MYT1L: variants seen among roughly 807,000 people sequenced by gnomAD.
The protein encoded by MYT1L is myelin transcription factor 1 like.
In MYT1L, 12 loss-of-function variants were observed where a neutral mutation model predicts 126.7. The ratio of observed to expected loss-of-function variants is 0.09; its 90% CI spans 0.06 to 0.15. MYT1L has a LOEUF of 0.15. Among genes scored for constraint, MYT1L ranks in the 10% least tolerant of loss-of-function variants. MYT1L has a pLI of 1.00. For missense variants in MYT1L, 979 were observed against 1,585.2 expected, an observed-to-expected ratio of 0.62 and a Z score of 6.49; for synonymous variants, 541 against 604.2, an observed-to-expected ratio of 0.90 and a Z score of 1.53.
chr2:1,876,384 A>G (rs2046911548), intron 18 of MYT1L, among the ~76,000 whole-genome samples: 1 of 152,020 alleles, frequency 6.6e-6, no homozygotes. Flanking sequence ...ATCCGTGCCC[A>G]GGACTCCGAG....
chr2:2,151,147 A>G (rs2085723977), intron 3 of MYT1L, among the ~76,000 whole-genome samples: 1 of 152,192 alleles, frequency 6.6e-6, no homozygotes, highest in Non-Finnish European at 1.5e-5. Context: ...GTTAAAAGGA[A>G]GGAGTTATAA....
At chr2:1,985,166 C>G (rs2060915613) in intron 5 of MYT1L, among the ~76,000 whole-genome samples, 1 of 152,230 alleles carries the variant, frequency 6.6e-6, no homozygotes, top group South Asian at 2.1e-4. Flanking sequence ...TTCCATTTTG[C>G]CAACCAGCCA....
At chr2:2,173,970 T>C (rs1225232592) in intron 2 of MYT1L, among the ~76,000 whole-genome samples, 1 of 152,118 alleles carries the variant, frequency 6.6e-6, no homozygotes. Context: ...TAACACAAGA[T>C]TTCCTAGGAA....
At chr2:2,243,056 G>C (rs2094468462) in intron 2 of MYT1L, among the ~76,000 whole-genome samples, 1 of 152,148 alleles carries the variant, frequency 6.6e-6, no homozygotes, top group African/African-American at 2.4e-5. Flanking sequence ...TTGACCAAGG[G>C]GCAATGTCAA....
At chr2:1,961,812 C>T (rs959400830) in intron 8 of MYT1L, among the ~76,000 whole-genome samples, 6 of 152,124 alleles carry the variant, frequency 3.9e-5, no homozygotes, top group African/African-American at 1.4e-4. Flanking sequence ...GTTTTGGTTT[C>T]CCAGCACAAT....
chr2:1,953,878 C>T (rs1303713026), intron 8 of MYT1L, among the ~76,000 whole-genome samples: 5 of 152,220 alleles, frequency 3.3e-5, no homozygotes, highest in Non-Finnish European at 7.3e-5. Flanking sequence ...TTCTAACCAC[C>T]TACCTCATGG....
intron 3 of MYT1L, among the ~76,000 whole-genome samples, chr2:2,158,490 C>T (rs1236907381): frequency 6.6e-6 from 1 of 152,148 alleles, no homozygotes; most frequent in Non-Finnish European, 1.5e-5. Context: ...CTTCTTTGCA[C>T]TTAAGTGACT....
chr2:1,868,491 G>A (rs1403377072), intron 18 of MYT1L, among the ~76,000 whole-genome samples: 1 of 152,190 alleles, frequency 6.6e-6, no homozygotes, highest in Non-Finnish European at 1.5e-5. Flanking sequence ...GATCTTAGAG[G>A]ATGAGAGGCT....
intron 5 of MYT1L, among the ~76,000 whole-genome samples, chr2:1,989,826 C>T (rs564137113): frequency 1.3e-5 from 2 of 152,126 alleles, no homozygotes; most frequent in African/African-American, 2.4e-5. Context: ...GTGAAAACCC[C>T]GTCTCTACCA....
intron 18 of MYT1L, among the ~76,000 whole-genome samples, chr2:1,863,059 G>C (rs1305174778): frequency 6.6e-6 from 1 of 152,192 alleles, no homozygotes; most frequent in Non-Finnish European, 1.5e-5. Context: ...GGGAATGGTA[G>C]CGTGTCCAGA....
chr2:2,231,681 C>T (rs2094165825), intron 2 of MYT1L, among the ~76,000 whole-genome samples: 3 of 152,014 alleles, frequency 2.0e-5, no homozygotes, highest in South Asian at 4.1e-4. Flanking sequence ...CTCCTGAGCT[C>T]GAGCAATCCA....
Position 1,887,881 on chromosome 2 carries a change from C to T in MYT1L, c.2521-272G>A, listed in dbSNP as rs368733496. ...TGTGCTCATCACATGGACACACACACGGTCTGGTAGCCAGAGACTACATTT... is the reference window on the plus strand; with the variant it reads ...TGTGCTCATCACATGGACACACACATGGTCTGGTAGCCAGAGACTACATTT... On this transcript the variant is annotated intron_variant, in intron 16 of 24. Coordinates refer to ENST00000647738, the MANE Select transcript of MYT1L (RefSeq NM_001303052.2). The surrounding 1 kb of genome is among the most constrained non-coding windows in gnomAD (Gnocchi z 4.8). 2.0e-5 allele frequency among the ~76,000 whole-genome samples: 3 copies of T among 152,302 alleles called. No homozygotes were observed. The highest frequency in any genetic ancestry group is 3.9e-4 in the East Asian group (2 of 5,178).
chr2:2,318,428 C>T (rs1180914079), intron 1 of MYT1L, among the ~76,000 whole-genome samples: 1 of 152,126 alleles, frequency 6.6e-6, no homozygotes, highest in Non-Finnish European at 1.5e-5. Context: ...GTGGCTTTGC[C>T]CATTTGTAAA....
At chr2:1,945,404 G>A (rs1269397213) in intron 8 of MYT1L, among the ~76,000 whole-genome samples, 1 of 152,162 alleles carries the variant, frequency 6.6e-6, no homozygotes, top group Non-Finnish European at 1.5e-5. Context: ...CCCAGATCAT[G>A]AGACAGATGA....
At chr2:1,961,829 G>A (rs1225823908) in intron 8 of MYT1L, among the ~76,000 whole-genome samples, 2 of 152,210 alleles carry the variant, frequency 1.3e-5, no homozygotes, top group African/African-American at 2.4e-5. Flanking sequence ...CAATATAAAG[G>A]AAGCTGAGTA....
At position 1,912,760 on chromosome 2, in the gene MYT1L, G is replaced by T. The variant is rs1285951429; in HGVS notation, c.1619-650C>A. Among the ~76,000 whole-genome samples the T allele has an allele frequency of 3.5e-5, 5 of 141,350 alleles. No homozygotes were observed. The East Asian group carries it at 6.0e-4, about 17-fold the overall frequency. The allele number at this position is 141,350 out of a possible 152,430, so 92.7% of individuals were successfully genotyped here. On this transcript the variant is annotated intron_variant, in intron 11 of 24. Coordinates refer to ENST00000647738, the MANE Select transcript of MYT1L (RefSeq NM_001303052.2). The surrounding 1 kb of genome is among the most constrained non-coding windows in gnomAD (Gnocchi z 4.3). ...CCCTGTGAAATTAACAAGCGGGAGA[G>T]GCCTCTTGCATGGACACCTTTTGTG...
chr2:2,267,495 G>C (rs554876209), intron 2 of MYT1L, among the ~76,000 whole-genome samples: 102 of 152,302 alleles, frequency 6.7e-4, no homozygotes, highest in Middle Eastern at 3.4e-3. Flanking sequence ...ACCATACTGG[G>C]GGAAATGAGG....
At position 1,801,376 on chromosome 2, in the gene MYT1L, C is replaced by T; in HGVS notation, c.3276+320G>A. ...ATATAGTGATTAAATAACAGGAGGA[C>T]CTGAAGTATCTTGGAAGGAAAACCT... is the stretch of plus-strand genomic sequence containing the variant. On this transcript the variant is annotated intron_variant, in intron 23 of 24. Transcript: ENST00000647738. The surrounding 1 kb of genome is among the most constrained non-coding windows in gnomAD (Gnocchi z 4.2). 1 of 236,314 alleles carries T rather than the reference C, an allele frequency of 4.2e-6. No homozygotes were observed. Among genetic ancestry groups the T allele is most frequent in the East Asian group, 9.2e-5 (1 of 10,812 alleles). The allele number at this position is 236,314 out of a possible 1,614,324, so 14.6% of individuals were successfully genotyped here.
chr2:2,027,122 C>T (rs999881358), intron 4 of MYT1L, among the ~76,000 whole-genome samples: 5 of 152,310 alleles, frequency 3.3e-5, no homozygotes, highest in South Asian at 2.1e-4. Context: ...CCCCCATCGC[C>T]GCTGCCGCCA....
Sources: gnomAD v4.1 joint callset for allele counts (sites outside exome capture counted in the v4.1 genomes callset) on GRCh38, gnomAD v4.1.1 for gene constraint, Gnocchi (gnomAD v3.1) non-coding constraint, MANE v1.5 for transcripts, NCBI Gene and HGNC (gene_info 2026-07-23, HGNC 2026-07-21) for gene names.